TNNI3K: variants seen among roughly 807,000 people sequenced by gnomAD.
TNNI3K encodes the protein TNNI3 interacting kinase.
In TNNI3K, 140 loss-of-function variants were observed where a neutral mutation model predicts 114.5. That is an observed-to-expected ratio of 1.22 (90% CI 1.07 to 1.41). TNNI3K has a LOEUF of 1.41. TNNI3K is among the 40% of genes most tolerant of loss of function. The pLI is 0.00. For synonymous variants in TNNI3K, 347 were observed against 347.5 expected, an observed-to-expected ratio of 1.00 and a Z score of 0.02; for missense variants, 1,125 against 1,007.6, an observed-to-expected ratio of 1.12 and a Z score of -1.58.
At chr1:74,533,806 A>G (rs981169385) in intron 23 of TNNI3K, among the ~76,000 whole-genome samples, 1 of 152,140 alleles carries the variant, frequency 6.6e-6, no homozygotes, top group African/African-American at 2.4e-5. Flanking sequence ...GTAAACTATC[A>G]CAAGGACAAA....
At chr1:74,239,863 C>T in intron 2 of TNNI3K, 1 of 447,742 alleles carries the variant, frequency 2.2e-6, no homozygotes, top group South Asian at 1.6e-5. Flanking sequence ...GGAATGGGAG[C>T]TTGATGTGGG....
intron 4 of TNNI3K, among the ~76,000 whole-genome samples, chr1:74,253,663 G>A (rs989484634): frequency 1.2e-4 from 19 of 152,008 alleles, no homozygotes; most frequent in Non-Finnish European, 2.9e-5. Context: ...CCACGCCCAC[G>A]CCCACCCAGA....
At chr1:74,482,988 AT>A (rs986154903) in intron 21 of TNNI3K, among the ~76,000 whole-genome samples, 71 of 152,350 alleles carry the variant, frequency 4.7e-4, no homozygotes, top group African/African-American at 1.6e-3. Flanking sequence ...AAAGTGATAT[AT>A]TTGTTAAGTG....
intron 3 of TNNI3K, 122 bp from the exon 4 acceptor site, chr1:74,250,550 G>A (rs1570370045): frequency 5.2e-6 from 4 of 765,374 alleles, no homozygotes; most frequent in Non-Finnish European, 7.7e-6. Context: ...TTTACAAATG[G>A]CCTGCAGAAC....
chr1:74,468,233 C>A (rs1667759403), intron 21 of TNNI3K: 1 of 149,230 alleles, frequency 6.7e-6, no homozygotes, highest in African/African-American at 2.5e-5. Context: ...GCTAAAGGTG[C>A]TGAAGTAAGG....
intron 4 of TNNI3K, among the ~76,000 whole-genome samples, chr1:74,264,827 G>T (rs1655872929): frequency 6.6e-6 from 1 of 152,046 alleles, no homozygotes; most frequent in African/African-American, 2.4e-5. Flanking sequence ...GGCCAATCTT[G>T]GGGGTGATAC....
chr1:74,403,055 A>T (rs997992403), intron 17 of TNNI3K, among the ~76,000 whole-genome samples: 1 of 152,164 alleles, frequency 6.6e-6, no homozygotes, highest in Non-Finnish European at 1.5e-5. Context: ...CTGTAATAAG[A>T]ATATGCTACT....
At chr1:74,260,806 A>G (rs957362161) in intron 4 of TNNI3K, among the ~76,000 whole-genome samples, 4 of 152,108 alleles carry the variant, frequency 2.6e-5, no homozygotes, top group Non-Finnish European at 5.9e-5. Context: ...TCAATGGACT[A>G]CAAACATCTT....
chr1:74,318,161 A>G (rs1159870529), intron 5 of TNNI3K, among the ~76,000 whole-genome samples: 1 of 152,142 alleles, frequency 6.6e-6, no homozygotes, highest in South Asian at 2.1e-4. Context: ...CCTGATGTCC[A>G]ATTTCATTTG....
intron 24 of TNNI3K, among the ~76,000 whole-genome samples, chr1:74,542,547 TGA>T (rs1646739047): frequency 6.6e-6 from 1 of 152,048 alleles, no homozygotes; most frequent in South Asian, 2.1e-4. Flanking sequence ...AAGAGGTGAG[TGA>T]GAGAGACCAG....
At chr1:74,265,147 A>G (rs1655893393) in intron 4 of TNNI3K, among the ~76,000 whole-genome samples, 1 of 151,954 alleles carries the variant, frequency 6.6e-6, no homozygotes, top group Non-Finnish European at 1.5e-5. Flanking sequence ...AAAGAAACAC[A>G]TTTTATGCTA....
chr1:74,504,817 T>C (rs1337056155), intron 23 of TNNI3K, among the ~76,000 whole-genome samples: 1 of 152,150 alleles, frequency 6.6e-6, no homozygotes, highest in East Asian at 1.9e-4. Flanking sequence ...CAGCAGTGCT[T>C]GTTAGCGACC....
chr1:74,456,138 A>T (rs1424062832), intron 20 of TNNI3K, among the ~76,000 whole-genome samples: 4 of 152,228 alleles, frequency 2.6e-5, no homozygotes, highest in Non-Finnish European at 5.9e-5. Flanking sequence ...AGAAATATCT[A>T]TTACGTTAAC....
intron 4 of TNNI3K, among the ~76,000 whole-genome samples, chr1:74,257,203 T>A (rs1655366790): frequency 6.6e-6 from 1 of 152,178 alleles, no homozygotes; most frequent in South Asian, 2.1e-4. Flanking sequence ...GGTTGTTTAC[T>A]TTTCCGTTCT....
In TNNI3K at chr1:74,543,072, T is replaced by C. The variant is rs1197743006; in HGVS notation, c.2432-834T>C. ...TTTCTTTTTCTTTTTCCCTTTTTTTTTTTTTTTTTTTTTTTTTTTTTGAGA... is the reference window on the plus strand; with the variant it reads ...TTTCTTTTTCTTTTTCCCTTTTTTTCTTTTTTTTTTTTTTTTTTTTTGAGA... On this transcript the variant is annotated intron_variant, in intron 24 of 24. Coordinates refer to ENST00000326637, the MANE Select transcript of TNNI3K (RefSeq NM_015978.3). Among the ~76,000 whole-genome samples, 1,126 of 122,406 alleles carry C rather than the reference T, an allele frequency of 9.2e-3. 155 individuals are homozygous for C. Among genetic ancestry groups the C allele is most frequent in the African/African-American group, 0.034 (1,082 of 31,868 alleles). 80.3% of individuals were successfully genotyped at this position (122,406 alleles called of 152,430 possible).
At chr1:74,436,435 A>G (rs199957434) in intron 18 of TNNI3K, 39 bp from the exon 19 acceptor site, 190 of 1,552,780 alleles carry the variant, frequency 1.2e-4, no homozygotes, top group Non-Finnish European at 1.6e-4. Flanking sequence ...TGGTTTTAAG[A>G]TATTTCCTTT....
At chr1:74,287,376 C>A (rs1174230173) in intron 5 of TNNI3K, among the ~76,000 whole-genome samples, 6 of 151,882 alleles carry the variant, frequency 4.0e-5, no homozygotes, top group African/African-American at 1.5e-4. Context: ...CCCAAAGAAC[C>A]CCAAAGATAC....
intron 17 of TNNI3K, 25 bp from the exon 18 acceptor site, chr1:74,436,055 C>CT (rs67642732): frequency 0.049 from 69,420 of 1,412,254 alleles, 1,267 homozygotes; most frequent in African/African-American, 0.18. Context: ...TCAATGTCTA[C>CT]TTTTTTTTTT....
At chr1:74,336,279 G>A (rs1481557460) in intron 7 of TNNI3K, 130 bp downstream of exon 7, 2 of 1,188,598 alleles carry the variant, frequency 1.7e-6, no homozygotes, top group Non-Finnish European at 2.2e-6. Flanking sequence ...TGCTCCACAA[G>A]TCATAATTCA....
Sources: gnomAD v4.1 joint callset for allele counts (sites outside exome capture counted in the v4.1 genomes callset) on GRCh38, gnomAD v4.1.1 for gene constraint, MANE v1.5 for transcripts, NCBI Gene and HGNC (gene_info 2026-07-23, HGNC 2026-07-21) for gene names.